Variants in RFX6 observed in about 807,000 individuals in gnomAD.
RFX6 encodes the protein DNA-binding protein RFX6.
A neutral mutation model predicts 110.8 loss-of-function variants in RFX6; 50 were observed. That is an observed-to-expected ratio of 0.45 (90% CI 0.36 to 0.57). The LOEUF (loss-of-function observed/expected upper bound fraction) is 0.57, where lower values mean the gene tolerates loss of function less well. Ranked by LOEUF, RFX6 falls within the 20% of genes least tolerant of loss-of-function variation. The pLI, the probability that RFX6 is intolerant of heterozygous loss-of-function variation, is 0.00. For missense variants in RFX6, 990 were observed against 1,127.0 expected (o/e 0.88, Z 1.74); for synonymous variants, 383 against 411.2 (o/e 0.93, Z 0.83).
At chr6:116,916,882 C>G (rs897484778) in intron 9 of RFX6, among the ~76,000 whole-genome samples, 1 of 152,110 alleles carries the variant, frequency 6.6e-6, no homozygotes. Context: ...TCTTGACAGT[C>G]TCTTCCCTGG....
chr6:116,921,655 ATTTTT>A (rs200362577), intron 12 of RFX6, among the ~76,000 whole-genome samples: 1 of 145,464 alleles, frequency 6.9e-6, no homozygotes, highest in Non-Finnish European at 1.5e-5. Flanking sequence ...TTGCTCTATA[ATTTTT>A]TTTTTTTTTT....
At chr6:116,885,704 A>G (rs1308298276) in intron 4 of RFX6, among the ~76,000 whole-genome samples, 1 of 151,006 alleles carries the variant, frequency 6.6e-6, no homozygotes, top group Admixed American at 6.6e-5. Context: ...GATTTTTGAC[A>G]TATAAGTTTT....
rs1488934056 is a variant in RFX6, at chr6:116,928,738, T to C, written c.2399-21T>C. ...TCTTTGTAGTAAGTTAACAGCAAAT[T>C]CTCAACATTTTCTGTTACAGGATAC... On this transcript the variant is annotated intron_variant, in intron 17 of 18. Coordinates refer to ENST00000332958, the MANE Select transcript of RFX6 (RefSeq NM_173560.4). 5 of 1,573,764 alleles carry C rather than the reference T, an allele frequency of 3.2e-6. No homozygotes were observed. In the African/African-American group the frequency reaches 6.7e-5, roughly 21 times the overall value.
At chr6:116,892,451 T>C (rs434499) in intron 4 of RFX6, among the ~76,000 whole-genome samples, 44,075 of 152,080 alleles carry the variant, frequency 0.29, 6,557 homozygotes, top group South Asian at 0.38. Context: ...GGGCCTATAT[T>C]GGGCATGTCC....
chr6:116,894,016 A>G lies in RFX6; in HGVS notation c.596A>G (p.Glu199Gly). 1.2e-6 allele frequency: 2 copies of G among 1,604,138 alleles called. No homozygotes were observed. ...CATTACTATGGGATTGGCATCAAAGAGAGCAGTGCATATTACCACTCCGTT... is the reference window on the plus strand; with the variant it reads ...CATTACTATGGGATTGGCATCAAAGGGAGCAGTGCATATTACCACTCCGTT... ...KYHYYGIGIK[E>G]SSAYYHSVYS... Residue 199 changes from glutamate to glycine, a missense_variant, in exon 5 of 19, where the codon GAG (glutamate) becomes GGG (glycine). Coordinates refer to ENST00000332958, the MANE Select transcript of RFX6 (RefSeq NM_173560.4).
intron 7 of RFX6, 82 bp from the exon 8 acceptor site, chr6:116,915,926 A>G: frequency 9.9e-7 from 1 of 1,009,316 alleles, no homozygotes; most frequent in Non-Finnish European, 1.6e-6. Context: ...AGGATCTTTT[A>G]AAAAATCTGT....
intron 2 of RFX6, 90 bp downstream of exon 2, chr6:116,878,042 T>C: frequency 7.5e-7 from 1 of 1,336,782 alleles, no homozygotes; most frequent in South Asian, 1.3e-5. Flanking sequence ...AATTTACTTC[T>C]TCCTCAAACT....
chr6:116,897,484 T>G (rs1416042025), intron 6 of RFX6, among the ~76,000 whole-genome samples: 1 of 152,148 alleles, frequency 6.6e-6, no homozygotes, highest in Non-Finnish European at 1.5e-5. Context: ...TTAGCTATAG[T>G]GTAGAATGAG....
rs193221075 is a variant in RFX6 at position 116,931,180 on chromosome 6, T to G, written c.2612-151T>G. Reference sequence around the variant, plus strand: ...AAGTGGGAACAAATGGAAGAAAAAATGATTGCTCTGGTAAACCATACAGAC... The same window carrying G: ...AAGTGGGAACAAATGGAAGAAAAAAGGATTGCTCTGGTAAACCATACAGAC... On this transcript the variant is annotated intron_variant, in intron 18 of 18. Transcript: ENST00000332958. 4 of 682,698 alleles carry G rather than the reference T, an allele frequency of 5.9e-6. No individual in the cohort carries two copies. In the East Asian group the frequency reaches 1.1e-4, roughly 18 times the overall value. The allele number at this position is 682,698 out of a possible 1,614,324, so 42.3% of individuals were successfully genotyped here. A position where few individuals can be genotyped will look rare whatever the true frequency, so the allele number is the denominator to read the frequency against.
chr6:116,906,972 T>C (rs908623135), intron 6 of RFX6, among the ~76,000 whole-genome samples: 2 of 152,034 alleles, frequency 1.3e-5, no homozygotes, highest in African/African-American at 4.8e-5. Flanking sequence ...GCTTTCAGTC[T>C]TTCACCATTA....
intron 6 of RFX6, among the ~76,000 whole-genome samples, chr6:116,906,518 G>A (rs537210552): frequency 6.6e-6 from 1 of 152,060 alleles, no homozygotes; most frequent in East Asian, 1.9e-4. Context: ...ATTTATTTAT[G>A]TATTCTTTAA....
In RFX6 at chr6:116,927,102, G is replaced by C; in HGVS notation, c.1961G>C (p.Ser654Thr). The C allele has an allele frequency of 1.9e-6, 3 of 1,614,058 alleles. No homozygotes were observed. The highest frequency in any genetic ancestry group is 2.5e-6 in the Non-Finnish European group (3 of 1,179,916). Reference sequence around the variant, plus strand: ...TCTCCAGCCATGGCAAGCCGAGGAAGTGTCATTAACCAAGGACCAATGGCA... The same window carrying C: ...TCTCCAGCCATGGCAAGCCGAGGAACTGTCATTAACCAAGGACCAATGGCA... ...PISPAMASRG[S>T]VINQGPMAGR... is the part of the protein sequence containing the mutation. The change falls in exon 17 of 19, where the codon AGT (serine) becomes ACT (threonine). Residue 654 changes from serine (S) to threonine (T), a missense_variant. This residue lies in a region of RFX6 where 438 missense variants were observed against 441.9 expected (regional missense o/e 0.99). Transcript: ENST00000332958.
chr6:116,913,546 A>G (rs1775401965), intron 7 of RFX6, among the ~76,000 whole-genome samples: 1 of 152,192 alleles, frequency 6.6e-6, no homozygotes, highest in African/African-American at 2.4e-5. Flanking sequence ...ACTCTAGTAC[A>G]ATGTCTATTC....
chr6:116,925,423 C>A, intron 15 of RFX6, 30 bp from the exon 16 acceptor site: 1 of 1,579,522 alleles, frequency 6.3e-7, no homozygotes, highest in South Asian at 1.1e-5. Context: ...GAAAAAATCT[C>A]AAATTTCCCA....
chr6:116,880,715 A>G, intron 3 of RFX6, 48 bp downstream of exon 3: 1 of 1,599,578 alleles, frequency 6.3e-7, no homozygotes, highest in African/African-American at 1.3e-5. Context: ...AAGTCATGTC[A>G]GGCAGATAGC....
rs749235971 is a variant in RFX6 at position 116,924,746 on chromosome 6, G to C, written c.1633G>C (p.Glu545Gln). The C allele has an allele frequency of 1.9e-6, 3 of 1,596,906 alleles. No homozygotes were observed. The change falls in exon 15 of 19, where the codon GAG becomes CAG. Residue 545 changes from glutamate to glutamine, a missense_variant. Glu to Gln is a conservative substitution (Grantham distance 29). Transcript: ENST00000332958. ...GGAGACCCAGTTTAATAATGACAAA[G>C]AGCAGGAGTTACAGAATTTATTGGA... The part of the protein sequence containing the change: ...AMETQFNNDK[E>Q]QELQNLLDKY...
intron 5 of RFX6, among the ~76,000 whole-genome samples, chr6:116,894,647 A>G (rs17078450): frequency 0.04 from 5,202 of 129,940 alleles, 297 homozygotes; most frequent in African/African-American, 0.14. Flanking sequence ...GTTACATCTA[A>G]TGAAACCAGT....
intron 14 of RFX6, 54 bp from the exon 15 acceptor site, chr6:116,924,615 C>G: frequency 2.0e-6 from 3 of 1,531,476 alleles, no homozygotes; most frequent in Non-Finnish European, 2.7e-6. Context: ...TTCTCTTTCT[C>G]TCCCCTTTTT....
chr6:116,894,094 C>A (rs752736770), intron 5 of RFX6, 30 bp downstream of exon 5: 10 of 1,163,278 alleles, frequency 8.6e-6, no homozygotes, highest in Middle Eastern at 3.9e-4. Flanking sequence ...AAGACAAATT[C>A]TCTGTGTTTC....
Sources: gnomAD v4.1 joint callset for allele counts (sites outside exome capture counted in the v4.1 genomes callset) on GRCh38, gnomAD v4.1.1 for gene constraint, gnomAD v4.1.1 regional missense constraint, MANE v1.5 for transcripts, NCBI Gene and HGNC (gene_info 2026-07-23, HGNC 2026-07-21) for gene names.